The following SRGAP2B variants were observed in gnomAD, a reference collection of about 807,000 sequenced individuals.
The protein encoded by SRGAP2B is SLIT-ROBO Rho GTPase-activating protein 2B.
Under a neutral mutation model 22.2 loss-of-function variants are expected in SRGAP2B, and 9 were observed. The observed-to-expected ratio is 0.41, with a 90% confidence interval of 0.24 to 0.71. The LOEUF is 0.71. Ranked by LOEUF, SRGAP2B falls within the 30% of genes least tolerant of loss-of-function variation. The pLI is 0.35. For missense variants in SRGAP2B, 114 were observed against 235.8 expected, an observed-to-expected ratio of 0.48 and a Z score of 3.38; for synonymous variants, 36 against 87.4, an observed-to-expected ratio of 0.41 and a Z score of 3.28.
chr1:144,984,359 C>A lies in SRGAP2B; in HGVS notation c.260+10649G>T, dbSNP rs12064498. Among the ~76,000 whole-genome samples, 1,230 of 127,074 alleles carry A rather than the reference C, an allele frequency of 9.7e-3. 71 individuals are homozygous for A. The highest frequency in any genetic ancestry group is 0.034 in the African/African-American group (1,155 of 34,140). 83.4% of individuals were successfully genotyped at this position (127,074 alleles called of 152,430 possible). On this transcript the variant is annotated intron_variant, in intron 3 of 9. Coordinates refer to ENST00000612199, the Ensembl canonical transcript of SRGAP2B. Reference sequence around the variant, plus strand: ...ACAACAACAACAACAACAACAACAACAACAACAAAAAAAAAAAAACAAAAA... The same window carrying A: ...ACAACAACAACAACAACAACAACAAAAACAACAAAAAAAAAAAAACAAAAA...
chr1:145,017,900 C>T (rs1672542987), intron 2 of SRGAP2B, among the ~76,000 whole-genome samples: 1 of 150,786 alleles, frequency 6.6e-6, no homozygotes, highest in African/African-American at 2.5e-5. Flanking sequence ...TTCCCCTTCC[C>T]TCTCCACCTC....
intron 4 of SRGAP2B, among the ~76,000 whole-genome samples, chr1:144,915,627 G>A (rs1458552641): frequency 1.3e-5 from 2 of 151,186 alleles, no homozygotes; most frequent in African/African-American, 4.9e-5. Flanking sequence ...TCAGGAGGCT[G>A]AGGCAGGAGA....
intron 2 of SRGAP2B, among the ~76,000 whole-genome samples, chr1:144,997,434 C>A (rs1238271014): frequency 4.0e-5 from 6 of 149,978 alleles, no homozygotes; most frequent in Non-Finnish European, 7.4e-5. Context: ...CCGTCTCAAA[C>A]AAACAACAAA....
intron 5 of SRGAP2B, among the ~76,000 whole-genome samples, chr1:144,912,352 T>C (rs1472667773): frequency 1.3e-5 from 2 of 150,084 alleles, no homozygotes; most frequent in Admixed American, 6.6e-5. Context: ...CCCTAGGATA[T>C]AGAAATACCA....
intron 2 of SRGAP2B, among the ~76,000 whole-genome samples, chr1:144,997,460 G>T (rs1246281274): frequency 6.7e-6 from 1 of 149,468 alleles, no homozygotes; most frequent in Non-Finnish European, 1.5e-5. Context: ...GAACCAAGGC[G>T]TTTTTAGGGT....
chr1:145,020,378 C>A (rs1672709091), intron 2 of SRGAP2B, among the ~76,000 whole-genome samples: 1 of 120,292 alleles, frequency 8.3e-6, no homozygotes, highest in Non-Finnish European at 1.6e-5. Flanking sequence ...AATGAGCTAT[C>A]ATGGTGCCAC....
intron 4 of SRGAP2B, among the ~76,000 whole-genome samples, chr1:144,954,940 T>C (rs1399678907): frequency 6.7e-6 from 1 of 150,358 alleles, no homozygotes; most frequent in Non-Finnish European, 1.5e-5. Flanking sequence ...ATGAGTTTGC[T>C]AAATGAACTA....
chr1:144,971,811 G>A (rs1424666576), intron 3 of SRGAP2B, among the ~76,000 whole-genome samples: 1 of 150,986 alleles, frequency 6.6e-6, no homozygotes, highest in African/African-American at 2.5e-5. Flanking sequence ...CATTGTCTGA[G>A]TGAGGAAACT....
At chr1:144,902,572 A>AAC (rs1159241608) in intron 7 of SRGAP2B, among the ~76,000 whole-genome samples, 6 of 110,862 alleles carry the variant, frequency 5.4e-5, no homozygotes, top group Admixed American at 9.8e-5. Flanking sequence ...CATCCTGGCT[A>AAC]ACACAGTGAA....
rs1339810315 is a variant in SRGAP2B at position 145,031,708 on chromosome 1, G to C, written c.68-36508C>G. ...TAAAAATACAAAAAATTAGCCCGGAGTGGTGGTGGGCGCCTGTAGTCCCAG... is the reference window on the plus strand; with the variant it reads ...TAAAAATACAAAAAATTAGCCCGGACTGGTGGTGGGCGCCTGTAGTCCCAG... On this transcript the variant is annotated intron_variant, in intron 2 of 9. Transcript: ENST00000612199. 3.4e-5 allele frequency among the ~76,000 whole-genome samples: 5 copies of C among 145,400 alleles called. 1 individual carries two copies. Among genetic ancestry groups the C allele is most frequent in the African/African-American group, 1.1e-4 (4 of 35,612 alleles).
rs1442005927 is a variant in SRGAP2B at position 145,041,089 on chromosome 1, A to ATAC, written c.68-45890_68-45889insGTA. Among the ~76,000 whole-genome samples, 4 of 118,546 alleles carry ATAC rather than the reference A, an allele frequency of 3.4e-5. 1 individual carries two copies. Among genetic ancestry groups the ATAC allele is most frequent in the Admixed American group, 1.8e-4 (2 of 11,386 alleles). The allele number at this position is 118,546 out of a possible 152,430, so 77.8% of individuals were successfully genotyped here. A position where few individuals can be genotyped will look rare whatever the true frequency, so the allele number is the denominator to read the frequency against. ...GTATATATATAGTATATATATATAT[A>ATAC]TATATATATATATATATAGTCTGCT... On this transcript the variant is annotated intron_variant, in intron 2 of 9. Coordinates refer to ENST00000612199, the Ensembl canonical transcript of SRGAP2B.
chr1:144,994,949 C>T (rs1375753808), intron 3 of SRGAP2B, 59 bp downstream of exon 3: 1 of 911,792 alleles, frequency 1.1e-6, no homozygotes, highest in African/African-American at 1.8e-5. Flanking sequence ...ACCCTGCCCC[C>T]CTCCACCCTG....
chr1:144,957,873 C>T (rs1387852624), intron 3 of SRGAP2B, among the ~76,000 whole-genome samples: 2 of 147,638 alleles, frequency 1.4e-5, no homozygotes, highest in African/African-American at 5.2e-5. Context: ...TTTAAAGGGG[C>T]AGATCTCATG....
chr1:144,965,499 T>G (rs1368942762), intron 3 of SRGAP2B, among the ~76,000 whole-genome samples: 8 of 144,980 alleles, frequency 5.5e-5, no homozygotes, highest in African/African-American at 2.0e-4. Flanking sequence ...TACATCACCA[T>G]CATCAAAGAC....
chr1:145,011,482 TC>T (rs777223756), intron 2 of SRGAP2B, among the ~76,000 whole-genome samples: 61 of 150,782 alleles, frequency 4.0e-4, no homozygotes, highest in Non-Finnish European at 6.9e-4. Flanking sequence ...CTCATAGCCA[TC>T]TAACAGGTAC....
chr1:144,905,222 G>A lies in SRGAP2B; in HGVS notation c.703-3C>T, dbSNP rs1484487725. 29 of 778,668 alleles carry A rather than the reference G, an allele frequency of 3.7e-5. No homozygotes were observed. Among genetic ancestry groups the A allele is most frequent in the Middle Eastern group, 4.5e-4 (2 of 4,424 alleles). The allele number at this position is 778,668 out of a possible 1,614,324, so 48.2% of individuals were successfully genotyped here. On this transcript the variant is annotated splice_polypyrimidine_tract_variant and splice_region_variant and intron_variant, in intron 6 of 9. Transcript: ENST00000612199. The stretch of plus-strand genomic sequence containing the variant: ...TTCTCCGTGTACTTGGCTTGGCGCT[G>A]AAAAGGAAACAGAAGTTCACTTTTA...
intron 4 of SRGAP2B, among the ~76,000 whole-genome samples, chr1:144,955,216 G>A (rs1165539404): frequency 6.7e-6 from 1 of 149,950 alleles, no homozygotes; most frequent in Non-Finnish European, 1.5e-5. Flanking sequence ...AGCCTATGAA[G>A]TGGGCCAATA....
intron 2 of SRGAP2B, among the ~76,000 whole-genome samples, chr1:144,997,543 C>T (rs1553618684): frequency 1.3e-5 from 2 of 149,840 alleles, no homozygotes; most frequent in Non-Finnish European, 2.9e-5. Flanking sequence ...GCTGTCAGGT[C>T]CCTCTGAGTC....
chr1:144,898,351 GT>G (rs1662436643), intron 7 of SRGAP2B, among the ~76,000 whole-genome samples: 1 of 104,342 alleles, frequency 9.6e-6, no homozygotes, highest in Non-Finnish European at 1.9e-5. Flanking sequence ...TCTATGTAAG[GT>G]TTGGTTTGAA....
Sources: gnomAD v4.1 joint callset for allele counts (sites outside exome capture counted in the v4.1 genomes callset) on GRCh38, gnomAD v4.1.1 for gene constraint, MANE v1.5 for transcripts, NCBI Gene and HGNC (gene_info 2026-07-23, HGNC 2026-07-21) for gene names.